The following MRPL48 variants were observed in gnomAD, a reference collection of about 807,000 sequenced individuals.
The protein encoded by MRPL48 is mitochondrial ribosomal protein L48, also known as large ribosomal subunit protein mL48.
MRPL48 carries 16 observed loss-of-function variants against 32.9 expected under a neutral mutation model. The observed-to-expected ratio is 0.49, with a 90% CI of 0.33 to 0.74. MRPL48 has a LOEUF of 0.74. Ranked by LOEUF, MRPL48 falls within the 30% of genes least tolerant of loss-of-function variation. The pLI is 0.02. For synonymous variants in MRPL48, 94 were observed against 89.2 expected, an observed-to-expected ratio of 1.05 and a Z score of -0.31; for missense variants, 206 against 245.3, an observed-to-expected ratio of 0.84 and a Z score of 1.07.
intron 3 of MRPL48, among the ~76,000 whole-genome samples, chr11:73,815,141 C>T (rs1258436313): frequency 1.3e-5 from 2 of 152,030 alleles, no homozygotes; most frequent in South Asian, 2.1e-4. Context: ...TTTGGCTAGG[C>T]GTCGTGTCTC....
At chr11:73,807,095 C>T (rs1461212862) in intron 2 of MRPL48, among the ~76,000 whole-genome samples, 3 of 152,072 alleles carry the variant, frequency 2.0e-5, no homozygotes, top group Admixed American at 1.3e-4. Context: ...GTTTCGAACT[C>T]CTGACCTCAA....
In MRPL48 at chr11:73,847,463, C is replaced by T. The variant is rs143533297; in HGVS notation, c.371+2487C>T. Among the ~76,000 whole-genome samples, 635 of 147,916 alleles carry T rather than the reference C, an allele frequency of 4.3e-3. 11 individuals are homozygous for T. Among genetic ancestry groups the T allele is most frequent in the Admixed American group, 0.032 (470 of 14,902 alleles). ...AGCAGTTCCTTTTTTTTTTTTGAGACGGAGTCTTGCTCTGTCACCCAGGCT... is the reference window on the plus strand; with the variant it reads ...AGCAGTTCCTTTTTTTTTTTTGAGATGGAGTCTTGCTCTGTCACCCAGGCT... On this transcript the variant is annotated intron_variant, in intron 5 of 7. Transcript: ENST00000310614.
intron 1 of MRPL48, among the ~76,000 whole-genome samples, chr11:73,793,688 T>C (rs967901848): frequency 4.9e-5 from 7 of 144,098 alleles, no homozygotes; most frequent in African/African-American, 1.8e-4. Flanking sequence ...TACGGGAGAG[T>C]ATGCAGAGAA....
Position 73,861,155 on chromosome 11 carries a change from A to T in MRPL48, c.474+1146A>T, listed in dbSNP as rs183948603. ...AATTTAAGTCTAAATATGCTAATTT[A>T]AAAAATAACTAAGTACAATCTTTGG... On this transcript the variant is annotated intron_variant, in intron 6 of 7. Transcript: ENST00000310614. Among the ~76,000 whole-genome samples, 1,358 of 152,338 alleles carry T rather than the reference A, an allele frequency of 8.9e-3. 20 individuals carry two copies. Among genetic ancestry groups the T allele is most frequent in the African/African-American group, 0.031 (1,294 of 41,570 alleles).
intron 4 of MRPL48, chr11:73,842,475 T>C (rs1948204606): frequency 1.3e-5 from 2 of 152,086 alleles, no homozygotes; most frequent in Admixed American, 6.6e-5. Context: ...TGGTTATTTA[T>C]TTATTTATTT....
At chr11:73,810,485 C>T (rs561182837) in intron 3 of MRPL48, among the ~76,000 whole-genome samples, 1 of 152,058 alleles carries the variant, frequency 6.6e-6, no homozygotes, top group East Asian at 1.9e-4. Context: ...CGTGCCATTG[C>T]ACTCCAGCCT....
Position 73,824,455 on chromosome 11 carries a change from C to T in MRPL48, c.113-1253C>T, listed in dbSNP as rs554213433. Among the ~76,000 whole-genome samples the T allele has an allele frequency of 9.9e-5, 15 of 151,934 alleles. No individual in the cohort carries two copies. In the South Asian group the frequency reaches 1.9e-3, roughly 19 times the overall value. On this transcript the variant is annotated intron_variant, in intron 3 of 7. Transcript: ENST00000310614. ...GAAAAATTAGCCGGGTGTGGTGGCG[C>T]GTGCCTGTAATCCCAGCTACTCAGG...
At chr11:73,847,260 C>T (rs1380866947) in intron 5 of MRPL48, among the ~76,000 whole-genome samples, 1 of 152,116 alleles carries the variant, frequency 6.6e-6, no homozygotes, top group Non-Finnish European at 1.5e-5. Flanking sequence ...ATAGTGGTAT[C>T]TCATAGTGGT....
chr11:73,795,251 CA>C (rs1290756181), intron 1 of MRPL48, among the ~76,000 whole-genome samples: 1 of 151,856 alleles, frequency 6.6e-6, no homozygotes, highest in Non-Finnish European at 1.5e-5. Context: ...TTAGTAGAGA[CA>C]GGGTTTCACC....
At chr11:73,829,935 T>C (rs912621870) in intron 4 of MRPL48, among the ~76,000 whole-genome samples, 15 of 152,088 alleles carry the variant, frequency 9.9e-5, no homozygotes, top group Non-Finnish European at 1.5e-4. Flanking sequence ...CGGCTCATTA[T>C]ATTTTTGTAG....
intron 1 of MRPL48, among the ~76,000 whole-genome samples, chr11:73,799,919 A>C (rs1947326121): frequency 6.6e-6 from 1 of 152,178 alleles, no homozygotes; most frequent in South Asian, 2.1e-4. Context: ...TCATTAGTAT[A>C]AATTGGTATC....
intron 3 of MRPL48, among the ~76,000 whole-genome samples, chr11:73,809,373 ACATGCCTGTAGTCC>A (rs1160187843): frequency 6.6e-6 from 1 of 151,882 alleles, no homozygotes; most frequent in Non-Finnish European, 1.5e-5. Flanking sequence ...GCGTGGTGGC[ACATGCCTGTAGTCC>A]CAGCTACTCG....
intron 5 of MRPL48, among the ~76,000 whole-genome samples, chr11:73,855,787 C>A (rs1948473730): frequency 6.6e-6 from 1 of 152,020 alleles, no homozygotes; most frequent in South Asian, 2.1e-4. Context: ...TGCCTGGCCT[C>A]TTTATTTATT....
chr11:73,854,269 A>G (rs1948451385), intron 5 of MRPL48, among the ~76,000 whole-genome samples: 1 of 152,082 alleles, frequency 6.6e-6, no homozygotes, highest in South Asian at 2.1e-4. Context: ...GGGTCATTTT[A>G]GAAGGAATAG....
intron 1 of MRPL48, among the ~76,000 whole-genome samples, chr11:73,800,636 C>G (rs1947343871): frequency 6.6e-6 from 1 of 152,010 alleles, no homozygotes; most frequent in Non-Finnish European, 1.5e-5. Flanking sequence ...TCTTCATTTG[C>G]TGATGGGGAG....
At chr11:73,861,611 C>T (rs1320926874) in intron 6 of MRPL48, among the ~76,000 whole-genome samples, 3 of 152,080 alleles carry the variant, frequency 2.0e-5, no homozygotes, top group Non-Finnish European at 4.4e-5. Context: ...TCAGGTGATC[C>T]GCCCACCTCA....
At chr11:73,810,302 A>G (rs1947541244) in intron 3 of MRPL48, among the ~76,000 whole-genome samples, 1 of 152,120 alleles carries the variant, frequency 6.6e-6, no homozygotes, top group Non-Finnish European at 1.5e-5. Context: ...TGGGCGGATC[A>G]CCTTAGGTCA....
At chr11:73,812,717 A>AATATATATATATATATATAT (rs370608269) in intron 3 of MRPL48, among the ~76,000 whole-genome samples, 13 of 135,548 alleles carry the variant, frequency 9.6e-5, no homozygotes, top group African/African-American at 3.2e-4. Flanking sequence ...CCCATGTCTA[A>AATATATATATATATATATAT]ATATATATAT....
At chr11:73,823,298 C>T (rs937172898) in intron 3 of MRPL48, among the ~76,000 whole-genome samples, 3 of 152,086 alleles carry the variant, frequency 2.0e-5, no homozygotes, top group African/African-American at 7.2e-5. Context: ...AGTGGTGACC[C>T]TGAAGAAATG....
Sources: allele counts gnomAD v4.1 joint callset (sites outside exome capture counted in the v4.1 genomes callset), GRCh38; gene constraint gnomAD v4.1.1; transcripts MANE v1.5; gene names NCBI Gene and HGNC (gene_info 2026-07-23, HGNC 2026-07-21).